The following HIVEP3 variants were observed in gnomAD, a reference collection of about 807,000 sequenced individuals.
HIVEP3 encodes the protein transcription factor HIVEP3.
In HIVEP3, 49 loss-of-function variants were observed where a neutral mutation model predicts 152.8. That is an observed-to-expected ratio of 0.32 (90% CI 0.26 to 0.41). The LOEUF (loss-of-function observed/expected upper bound fraction) is 0.41, where lower values mean the gene tolerates loss of function less well. HIVEP3 is among the 10% of genes least tolerant of loss of function. The pLI, the probability that HIVEP3 is intolerant of heterozygous loss-of-function variation, is 1.00. For synonymous variants in HIVEP3, 1,269 were observed against 1,289.0 expected, an observed-to-expected ratio of 0.98 and a Z score of 0.33; for missense variants, 2,790 against 3,103.3, an observed-to-expected ratio of 0.90 and a Z score of 2.40.
intron 2 of HIVEP3, among the ~76,000 whole-genome samples, chr1:41,648,810 C>A (rs1645501406): frequency 6.6e-6 from 1 of 152,248 alleles, no homozygotes; most frequent in African/African-American, 2.4e-5. Context: ...CCAGTGAACT[C>A]CACTTGTTTC....
intron 1 of HIVEP3, among the ~76,000 whole-genome samples, chr1:41,765,990 A>G (rs1366353440): frequency 6.6e-6 from 1 of 152,152 alleles, no homozygotes; most frequent in Non-Finnish European, 1.5e-5. Flanking sequence ...TCCTGCACTG[A>G]TAACTATTTG....
rs535998738 is a variant in HIVEP3, at chr1:41,757,233, A to G, written c.-800-56238T>C. Among the ~76,000 whole-genome samples the G allele has an allele frequency of 7.3e-3, 1,112 of 151,756 alleles. 8 individuals carry two copies. The highest frequency in any genetic ancestry group is 0.024 in the African/African-American group (973 of 41,346). On this transcript the variant is annotated intron_variant, in intron 1 of 8. Coordinates refer to ENST00000372583, the MANE Select transcript of HIVEP3 (RefSeq NM_024503.5). ...CAGGTTCACGCCATTCTCCTGCCTC[A>G]GCCTCCCGAGTAGCTGGGACTACAG...
intron 1 of HIVEP3, among the ~76,000 whole-genome samples, chr1:41,716,450 C>T (rs1457587267): frequency 6.6e-6 from 1 of 152,206 alleles, no homozygotes; most frequent in East Asian, 1.9e-4. Context: ...TGGGGGCACC[C>T]ACCATGTACA....
At position 41,635,489 on chromosome 1, in the gene HIVEP3, T is replaced by TACAC. The variant is rs56335707; in HGVS notation, c.-720-6546_-720-6543dup. On this transcript the variant is annotated intron_variant, in intron 2 of 8. Transcript: ENST00000372583. ...CAGCAACCACAACTATATATATATA[T>TACAC]ACACACACATATATACATATATAGC... is the stretch of plus-strand genomic sequence containing the variant. 6.8e-5 allele frequency among the ~76,000 whole-genome samples: 10 copies of TACAC among 147,362 alleles called. 1 individual carries two copies. The highest frequency in any genetic ancestry group is 2.5e-4 in the African/African-American group (10 of 39,636).
intron 1 of HIVEP3, among the ~76,000 whole-genome samples, chr1:41,838,049 G>T (rs1033813917): frequency 3.3e-5 from 5 of 152,132 alleles, no homozygotes; most frequent in Non-Finnish European, 7.3e-5. Flanking sequence ...CAGGAATTCT[G>T]CCCCTTTGAC....
chr1:41,589,768 C>T (rs909013317), intron 3 of HIVEP3, among the ~76,000 whole-genome samples: 4 of 152,154 alleles, frequency 2.6e-5, no homozygotes, highest in Non-Finnish European at 5.9e-5. Context: ...CTAAGCTGGC[C>T]CCAGGCTGGT....
At position 41,649,095 on chromosome 1, in the gene HIVEP3, C is replaced by T. The variant is rs558663283; in HGVS notation, c.-720-20148G>A. 7.2e-5 allele frequency among the ~76,000 whole-genome samples: 11 copies of T among 152,310 alleles called. No individual in the cohort carries two copies. The South Asian group carries it at 1.5e-3, about 20-fold the overall frequency. On this transcript the variant is annotated intron_variant, in intron 2 of 8. Coordinates refer to ENST00000372583, the MANE Select transcript of HIVEP3 (RefSeq NM_024503.5). ...AGAGCTGGGCCCTGAGCCACTTCTA[C>T]GGGAAGATGGAAAGAGCTCTATATT... is the stretch of plus-strand genomic sequence containing the variant.
At chr1:41,799,413 A>C (rs998978853) in intron 1 of HIVEP3, among the ~76,000 whole-genome samples, 1 of 152,160 alleles carries the variant, frequency 6.6e-6, no homozygotes, top group Non-Finnish European at 1.5e-5. Context: ...ACCAGCCTAG[A>C]ATGCTGTTCC....
At chr1:41,904,487 C>G (rs1570778371) in intron 1 of HIVEP3, among the ~76,000 whole-genome samples, 1 of 152,198 alleles carries the variant, frequency 6.6e-6, no homozygotes, top group Admixed American at 6.5e-5. Flanking sequence ...TCATCTTCTA[C>G]TCCCAGAAGT....
chr1:41,946,011 C>T (rs1027295777), intron 1 of HIVEP3, among the ~76,000 whole-genome samples: 2 of 152,120 alleles, frequency 1.3e-5, no homozygotes, highest in Non-Finnish European at 2.9e-5. Context: ...GAGAAGCAGG[C>T]GGAACGGGAC....
At chr1:41,980,549 G>C (rs542156843) in intron 1 of HIVEP3, among the ~76,000 whole-genome samples, 1 of 152,296 alleles carries the variant, frequency 6.6e-6, no homozygotes, top group African/African-American at 2.4e-5. Flanking sequence ...CTGGGGATGG[G>C]GTGAAGATTG....
chr1:41,703,533 A>T (rs1646392261), intron 1 of HIVEP3, among the ~76,000 whole-genome samples: 1 of 152,210 alleles, frequency 6.6e-6, no homozygotes, highest in Non-Finnish European at 1.5e-5. Flanking sequence ...AAGGATAATA[A>T]TAGCTATCTA....
intron 1 of HIVEP3, among the ~76,000 whole-genome samples, chr1:41,845,427 A>G (rs868468802): frequency 7.0e-4 from 100 of 142,582 alleles, no homozygotes; most frequent in African/African-American, 1.6e-3. Flanking sequence ...ACGCACACAC[A>G]CACACACACA....
intron 2 of HIVEP3, among the ~76,000 whole-genome samples, chr1:41,652,294 C>A (rs976281642): frequency 2.0e-5 from 3 of 152,190 alleles, no homozygotes; most frequent in Admixed American, 6.5e-5. Context: ...ATTTCCCTCT[C>A]TGTTATTTAT....
chr1:41,813,358 G>A (rs1651079209), intron 1 of HIVEP3, among the ~76,000 whole-genome samples: 1 of 152,204 alleles, frequency 6.6e-6, no homozygotes, highest in East Asian at 1.9e-4. Flanking sequence ...TGGTGATCTG[G>A]AAACAGTCCT....
chr1:41,942,632 T>C (rs894903713), intron 1 of HIVEP3, among the ~76,000 whole-genome samples: 2 of 152,148 alleles, frequency 1.3e-5, no homozygotes, highest in African/African-American at 4.8e-5. Flanking sequence ...ATATGTAAAA[T>C]GATACATGCA....
intron 3 of HIVEP3, among the ~76,000 whole-genome samples, chr1:41,600,293 A>G (rs1191482516): frequency 1.3e-5 from 2 of 152,218 alleles, no homozygotes; most frequent in Admixed American, 1.3e-4. Flanking sequence ...ATGATTTACA[A>G]CAGCCAAAGG....
At chr1:41,920,092 G>A (rs957122756), upstream of HIVEP3, among the ~76,000 whole-genome samples, 2 of 152,182 alleles carry the variant, frequency 1.3e-5, no homozygotes, top group Non-Finnish European at 2.9e-5. Context: ...AGGCGCTCCT[G>A]TGTGGACCCC....
chr1:42,004,383 C>T (rs1310341235), intron 1 of HIVEP3, among the ~76,000 whole-genome samples: 1 of 152,160 alleles, frequency 6.6e-6, no homozygotes. Context: ...GTTTGCACAT[C>T]CAGTGGTTCT....
Sources: allele counts gnomAD v4.1 joint callset (sites outside exome capture counted in the v4.1 genomes callset), GRCh38; gene constraint gnomAD v4.1.1; transcripts MANE v1.5; gene names NCBI Gene and HGNC (gene_info 2026-07-23, HGNC 2026-07-21).